Variants in NFIB observed in about 807,000 individuals in gnomAD.
NFIB encodes the protein nuclear factor I B, also known as nuclear factor 1 B-type.
In NFIB, 11 loss-of-function variants were observed where a neutral mutation model predicts 61.5. The ratio of observed to expected loss-of-function variants is 0.18; its 90% CI spans 0.11 to 0.30. The LOEUF is 0.30. Among genes scored for constraint, NFIB ranks in the 10% least tolerant of loss-of-function variants. The pLI is 1.00. For missense variants in NFIB, 471 were observed against 608.9 expected (o/e 0.77, Z 2.38); for synonymous variants, 260 against 216.5 (o/e 1.20, Z -1.76).
intron 3 of NFIB, among the ~76,000 whole-genome samples, chr9:14,156,594 C>G (rs1387776404): frequency 6.6e-6 from 1 of 152,166 alleles, no homozygotes; most frequent in Non-Finnish European, 1.5e-5. Context: ...GGGAATGCCA[C>G]ATGACCCTTA....
At chr9:14,479,875 G>T in the NFIB span, among the ~76,000 whole-genome samples, 1 of 151,674 alleles carries the variant, frequency 6.6e-6, no homozygotes, top group Admixed American at 6.6e-5. Context: ...CAAATCAAAA[G>T]AAAAAGAGAT....
intron 2 of NFIB, among the ~76,000 whole-genome samples, chr9:14,303,477 T>A (rs2059861313): frequency 6.6e-6 from 1 of 152,202 alleles, no homozygotes; most frequent in South Asian, 2.1e-4. Context: ...GTCTTTAATA[T>A]CTTTGGGAAA....
intron 2 of NFIB, among the ~76,000 whole-genome samples, chr9:14,303,749 C>T (rs1261410145): frequency 6.6e-6 from 1 of 152,186 alleles, no homozygotes; most frequent in African/African-American, 2.4e-5. Flanking sequence ...GCATCAAACA[C>T]AGTGTCTGCC....
Position 14,291,581 on chromosome 9 carries a change from TA to T in NFIB, c.562+15407del, listed in dbSNP as rs537595629. On this transcript the variant is annotated intron_variant, in intron 2 of 10. Coordinates refer to ENST00000380953, the MANE Select transcript of NFIB (RefSeq NM_001190737.2). Reference sequence around the variant, plus strand: ...TTTTATTTACTAAATATTAAACTAATAAAAAAATTCTCAGAAACATCTCTTA... The same window carrying T: ...TTTTATTTACTAAATATTAAACTAATAAAAAATTCTCAGAAACATCTCTTA... Among the ~76,000 whole-genome samples the T allele has an allele frequency of 6.6e-5, 10 of 152,176 alleles. No individual in the cohort carries two copies. In the South Asian group the frequency reaches 2.1e-3, roughly 32 times the overall value.
rs943301914 is a variant in NFIB at position 14,295,466 on chromosome 9, C to A, written c.562+11523G>T. On this transcript the variant is annotated intron_variant, in intron 2 of 10. Coordinates refer to ENST00000380953, the MANE Select transcript of NFIB (RefSeq NM_001190737.2). ...ACTGTGAAACCCCGTCTCTACTAAA[C>A]ATACAAAAAAAAAACTCAGCCGGGC... 9.7e-4 allele frequency among the ~76,000 whole-genome samples: 147 copies of A among 150,804 alleles called. 6 individuals carry two copies. The highest frequency in any genetic ancestry group is 3.8e-4 in the Non-Finnish European group (26 of 67,754).
At chr9:14,193,414 G>A (rs529094127) in intron 2 of NFIB, among the ~76,000 whole-genome samples, 40 of 152,030 alleles carry the variant, frequency 2.6e-4, no homozygotes, top group Non-Finnish European at 5.0e-4. Context: ...ATCAATTGTC[G>A]GAATAACTAA....
At chr9:14,387,057 T>C (rs573602326) in intron 1 of NFIB, among the ~76,000 whole-genome samples, 4 of 152,156 alleles carry the variant, frequency 2.6e-5, no homozygotes, top group Non-Finnish European at 1.5e-5. Context: ...ACAGCAAACT[T>C]TGGGAAATGG....
chr9:14,463,179 TTTTA>T, the NFIB span, among the ~76,000 whole-genome samples: 2 of 151,512 alleles, frequency 1.3e-5, no homozygotes, highest in South Asian at 2.1e-4. Context: ...TATTTTATTA[TTTTA>T]TTTAATTGAA....
At chr9:14,517,315 A>T in the NFIB span, among the ~76,000 whole-genome samples, 3 of 152,204 alleles carry the variant, frequency 2.0e-5, no homozygotes, top group African/African-American at 7.2e-5. Flanking sequence ...CCTGACTTGC[A>T]GGGATGTGGG....
chr9:14,425,590 T>C, the NFIB span, among the ~76,000 whole-genome samples: 1 of 150,724 alleles, frequency 6.6e-6, no homozygotes, highest in Non-Finnish European at 1.5e-5. Flanking sequence ...TGATTGAAAT[T>C]TCAGCATTGC....
chr9:14,258,247 G>A (rs757908311), intron 2 of NFIB, among the ~76,000 whole-genome samples: 4 of 152,136 alleles, frequency 2.6e-5, no homozygotes, highest in Non-Finnish European at 4.4e-5. Context: ...TAACCAATAG[G>A]CTGTTTAACC....
chr9:14,375,146 A>G (rs1441381445), intron 1 of NFIB, among the ~76,000 whole-genome samples: 1 of 152,200 alleles, frequency 6.6e-6, no homozygotes, highest in Non-Finnish European at 1.5e-5. Context: ...TCCCAACATA[A>G]GAGAAACTCT....
intron 2 of NFIB, among the ~76,000 whole-genome samples, chr9:14,276,409 G>C (rs957907315): frequency 6.6e-6 from 1 of 152,114 alleles, no homozygotes; most frequent in Non-Finnish European, 1.5e-5. Context: ...CTAACTGGAA[G>C]ACATTAACAT....
the NFIB span, among the ~76,000 whole-genome samples, chr9:14,427,954 T>TTTTTTTTG: frequency 8.5e-6 from 1 of 117,566 alleles, no homozygotes; most frequent in African/African-American, 3.1e-5. Flanking sequence ...TTTTTTTTTT[T>TTTTTTTTG]TTTTTTTTTT....
At chr9:14,436,748 T>G in the NFIB span, among the ~76,000 whole-genome samples, 4 of 152,184 alleles carry the variant, frequency 2.6e-5, no homozygotes, top group Admixed American at 2.6e-4. Context: ...TTATTATCAC[T>G]CTCCCACTAA....
At chr9:14,525,203 G>A in the NFIB span, among the ~76,000 whole-genome samples, 2 of 152,126 alleles carry the variant, frequency 1.3e-5, no homozygotes, top group Admixed American at 1.3e-4. Context: ...CCCAGAAAGA[G>A]GCATGAAATG....
intron 1 of NFIB, among the ~76,000 whole-genome samples, chr9:14,323,747 AACG>A (rs989010370): frequency 3.0e-4 from 46 of 152,368 alleles, no homozygotes; most frequent in African/African-American, 1.1e-3. Context: ...AGAGAACTTA[AACG>A]ACATTGTTCG....
chr9:14,181,378 C>T (rs1009053694), intron 2 of NFIB, among the ~76,000 whole-genome samples: 1 of 152,216 alleles, frequency 6.6e-6, no homozygotes, highest in African/African-American at 2.4e-5. Context: ...CATTCTTCAT[C>T]TGGCTCGAGT....
chr9:14,301,404 T>G (rs1274828934), intron 2 of NFIB, among the ~76,000 whole-genome samples: 7 of 152,244 alleles, frequency 4.6e-5, no homozygotes, highest in South Asian at 2.1e-4. Context: ...CTAACTATTT[T>G]TCATTACAAA....
Sources: allele counts gnomAD v4.1 joint callset (sites outside exome capture counted in the v4.1 genomes callset), GRCh38; gene constraint gnomAD v4.1.1; transcripts MANE v1.5; gene names NCBI Gene and HGNC (gene_info 2026-07-23, HGNC 2026-07-21).